ERGIC1: variants seen among roughly 807,000 people sequenced by gnomAD.
The protein encoded by ERGIC1 is endoplasmic reticulum-golgi intermediate compartment 1, also known as endoplasmic reticulum-Golgi intermediate compartment protein 1.
Under a neutral mutation model 38.3 loss-of-function variants are expected in ERGIC1, and 19 were observed. The ratio of observed to expected loss-of-function variants is 0.50; its 90% CI spans 0.35 to 0.73. The LOEUF (loss-of-function observed/expected upper bound fraction) is 0.73, where lower values mean the gene tolerates loss of function less well. ERGIC1 is among the 30% of genes least tolerant of loss of function. ERGIC1 has a pLI of 0.01. For synonymous variants in ERGIC1, 124 were observed against 157.6 expected (o/e 0.79, Z 1.60); for missense variants, 294 against 389.2 (o/e 0.76, Z 2.06).
chr5:172,926,881 C>T lies in ERGIC1; in HGVS notation c.541+312C>T, dbSNP rs942277105. 6 of 356,704 alleles carry T rather than the reference C, an allele frequency of 1.7e-5. No individual in the cohort carries two copies. The highest frequency in any genetic ancestry group is 1.0e-4 in the African/African-American group (5 of 48,324). The allele number at this position is 356,704 out of a possible 1,614,324, so 22.1% of individuals were successfully genotyped here. A position where few individuals can be genotyped will look rare whatever the true frequency, so the allele number is the denominator to read the frequency against. ...CATCATCCTTAGTTGAACTAATTAC[C>T]TAAGATCCCACAGGGAGCTATGGCA... On this transcript the variant is annotated intron_variant, in intron 7 of 9. Transcript: ENST00000393784. This position sits in a 1 kb window ranked among gnomAD's most constrained non-coding sequence, Gnocchi z 5.2.
At chr5:172,932,703 C>T in intron 8 of ERGIC1, 167 bp downstream of exon 8, 1 of 642,016 alleles carries the variant, frequency 1.6e-6, no homozygotes, top group East Asian at 2.7e-5. Context: ...AATTGAAAAG[C>T]CCAGTCCCTG....
At chr5:172,890,823 C>T (rs937818113) in intron 2 of ERGIC1, among the ~76,000 whole-genome samples, 2 of 146,190 alleles carry the variant, frequency 1.4e-5, no homozygotes, top group East Asian at 2.0e-4. Flanking sequence ...GCCGGGCAGT[C>T]GGTCATATTG....
intron 5 of ERGIC1, 146 bp downstream of exon 5, chr5:172,914,984 C>A (rs536980218): frequency 1.1e-5 from 15 of 1,315,752 alleles, no homozygotes; most frequent in Non-Finnish European, 1.6e-5. Flanking sequence ...GCTGCCTGGC[C>A]GTTCCTGCTG....
intron 9 of ERGIC1, chr5:172,936,141 G>A (rs1345495359): frequency 1.3e-5 from 2 of 152,210 alleles, no homozygotes; most frequent in African/African-American, 2.4e-5. Flanking sequence ...AACTAGGTCA[G>A]TATTAGTCAG....
chr5:172,849,425 C>T (rs909237308), intron 1 of ERGIC1, among the ~76,000 whole-genome samples: 2 of 152,116 alleles, frequency 1.3e-5, no homozygotes, highest in Non-Finnish European at 2.9e-5. Context: ...AAGGGTTCCC[C>T]CATTATGTTC....
intron 3 of ERGIC1, among the ~76,000 whole-genome samples, chr5:172,900,162 C>T (rs1229229113): frequency 6.6e-6 from 1 of 152,192 alleles, no homozygotes; most frequent in Non-Finnish European, 1.5e-5. Context: ...GTTTTGACGT[C>T]ACAGCTTGAG....
intron 5 of ERGIC1, among the ~76,000 whole-genome samples, chr5:172,923,787 C>T (rs1040305777): frequency 3.9e-5 from 6 of 152,174 alleles, no homozygotes; most frequent in Non-Finnish European, 7.4e-5. Context: ...CTGGCAGCCC[C>T]CTCGGAAGCT....
At chr5:172,863,100 A>G (rs536204272) in intron 1 of ERGIC1, among the ~76,000 whole-genome samples, 1 of 152,308 alleles carries the variant, frequency 6.6e-6, no homozygotes, top group South Asian at 2.1e-4. Context: ...CAGGTAGCAC[A>G]CCATCACACC....
chr5:172,861,443 G>A (rs182648088), intron 1 of ERGIC1, among the ~76,000 whole-genome samples: 2 of 152,206 alleles, frequency 1.3e-5, no homozygotes, highest in African/African-American at 2.4e-5. Context: ...CCTCAGAGGC[G>A]CAGGCTTTGC....
chr5:172,843,879 C>T (rs1761221474), intron 1 of ERGIC1, among the ~76,000 whole-genome samples: 1 of 152,204 alleles, frequency 6.6e-6, no homozygotes, highest in South Asian at 2.1e-4. Context: ...GGTGCTCATA[C>T]TTTCTTTGCG....
At chr5:172,838,347 C>G (rs772367527) in intron 1 of ERGIC1, among the ~76,000 whole-genome samples, 3 of 152,184 alleles carry the variant, frequency 2.0e-5, no homozygotes, top group Non-Finnish European at 4.4e-5. Context: ...ATGGACCCCC[C>G]TCTGAGTGTG....
rs368732285 is a variant in ERGIC1 at position 172,882,807 on chromosome 5, C to T, written c.21-5892C>T. Among the ~76,000 whole-genome samples the T allele has an allele frequency of 2.8e-3, 423 of 152,294 alleles. 1 individual carries two copies. The highest frequency in any genetic ancestry group is 9.6e-3 in the African/African-American group (401 of 41,562). ...TGTCCCCATGCCCAGCAAAGACTTA[C>T]TCTGCCTGACACCCAGGAGTCAGGG... is the stretch of plus-strand genomic sequence containing the variant. On this transcript the variant is annotated intron_variant, in intron 1 of 9. Transcript: ENST00000393784.
chr5:172,880,079 G>A (rs1458400991), intron 1 of ERGIC1, among the ~76,000 whole-genome samples: 3 of 151,988 alleles, frequency 2.0e-5, no homozygotes, highest in Admixed American at 6.6e-5. Flanking sequence ...TATCTCCCAG[G>A]CTGGAGTACT....
chr5:172,893,594 C>T (rs1462792026), intron 2 of ERGIC1, among the ~76,000 whole-genome samples: 1 of 151,878 alleles, frequency 6.6e-6, no homozygotes, highest in Admixed American at 6.6e-5. Flanking sequence ...GATGTTTTGC[C>T]TGCTCAGTTT....
intron 7 of ERGIC1, among the ~76,000 whole-genome samples, chr5:172,929,201 A>G (rs1277814067): frequency 2.0e-5 from 3 of 151,996 alleles, no homozygotes; most frequent in Non-Finnish European, 2.9e-5. Flanking sequence ...ATACATATAT[A>G]TGGGCTGCTG....
intron 3 of ERGIC1, among the ~76,000 whole-genome samples, chr5:172,908,318 G>GA (rs1561729638): frequency 0.61 from 4,414 of 7,286 alleles, 1,727 homozygotes; most frequent in Non-Finnish European, 0.72. Flanking sequence ...GGGGGGGGGG[G>GA]AGAGAGGGGA....
chr5:172,874,750 AC>A (rs547418316), intron 1 of ERGIC1, among the ~76,000 whole-genome samples: 11 of 151,582 alleles, frequency 7.3e-5, no homozygotes, highest in Non-Finnish European at 1.5e-4. Context: ...ACATGGCAAA[AC>A]CCCGTCTCTA....
At chr5:172,931,362 A>G (rs524700) in intron 7 of ERGIC1, among the ~76,000 whole-genome samples, 149,715 of 152,308 alleles carry the variant, frequency 0.98, 73,586 homozygotes, top group East Asian at 1. Context: ...CCCCTGTCCA[A>G]TCATCCTTCC....
chr5:172,919,569 A>G (rs558835732), intron 5 of ERGIC1, among the ~76,000 whole-genome samples: 1 of 152,372 alleles, frequency 6.6e-6, no homozygotes, highest in East Asian at 1.9e-4. Context: ...ACCTGTGGTC[A>G]AGGATCCCGG....
Sources: allele counts gnomAD v4.1 joint callset (sites outside exome capture counted in the v4.1 genomes callset), GRCh38; gene constraint gnomAD v4.1.1; non-coding constraint Gnocchi (gnomAD v3.1); transcripts MANE v1.5; gene names NCBI Gene and HGNC (gene_info 2026-07-23, HGNC 2026-07-21).